The following FAF1 variants were observed in gnomAD, a reference collection of about 807,000 sequenced individuals.
FAF1 encodes Fas associated factor 1, also known as FAS-associated factor 1.
FAF1 carries 25 observed loss-of-function variants against 92.5 expected under a neutral mutation model. That is an observed-to-expected ratio of 0.27 (90% CI 0.20 to 0.38). The LOEUF (loss-of-function observed/expected upper bound fraction) is 0.38. Among genes scored for constraint, FAF1 ranks in the 10% least tolerant of loss-of-function variants. The pLI is 1.00. For synonymous variants in FAF1, 234 were observed against 273.2 expected (o/e 0.86, Z 1.42); for missense variants, 636 against 793.3 (o/e 0.80, Z 2.38).
chr1:50,731,493 C>CCCAGTA (rs1484719193), intron 6 of FAF1, among the ~76,000 whole-genome samples: 1 of 151,974 alleles, frequency 6.6e-6, no homozygotes, highest in African/African-American at 2.4e-5. Flanking sequence ...CCTCAGCCTC[C>CCCAGTA]CCAGTAGCTG....
chr1:50,904,143 T>C (rs556867649), intron 1 of FAF1, among the ~76,000 whole-genome samples: 1 of 152,280 alleles, frequency 6.6e-6, no homozygotes, highest in East Asian at 1.9e-4. Flanking sequence ...GATAGATGAA[T>C]AAACAAAATG....
chr1:50,666,386 T>C (rs1655632633), intron 7 of FAF1, among the ~76,000 whole-genome samples: 1 of 151,958 alleles, frequency 6.6e-6, no homozygotes, highest in African/African-American at 2.4e-5. Context: ...TTTAAACTTT[T>C]TGTAGAGAGG....
intron 8 of FAF1, among the ~76,000 whole-genome samples, chr1:50,617,536 C>A (rs752705791): frequency 5.9e-5 from 9 of 151,866 alleles, no homozygotes; most frequent in Non-Finnish European, 1.3e-4. Context: ...GAGGTGCTTC[C>A]GGATTCAGTT....
rs1034734363 is a variant in FAF1, at chr1:50,867,419, T to A, written c.46-9422A>T. Among the ~76,000 whole-genome samples the A allele has an allele frequency of 3.3e-5, 5 of 151,802 alleles. No individual in the cohort carries two copies. The South Asian group carries it at 1.0e-3, about 31-fold the overall frequency. Reference sequence around the variant, plus strand: ...TGACAACCCACAGAGTGGGAGAAAATCTTGGTAAATTATGCATCCAACAAA... The same window carrying A: ...TGACAACCCACAGAGTGGGAGAAAAACTTGGTAAATTATGCATCCAACAAA... On this transcript the variant is annotated intron_variant, in intron 1 of 18. Coordinates refer to ENST00000396153, the MANE Select transcript of FAF1 (RefSeq NM_007051.3).
rs980707767 is a variant in FAF1 at position 50,557,332 on chromosome 1, A to C, written c.1268+9745T>G. 2.0e-5 allele frequency among the ~76,000 whole-genome samples: 3 copies of C among 152,238 alleles called. No homozygotes were observed. In the South Asian group the frequency reaches 6.2e-4, roughly 31 times the overall value. ...CAAACAGCTTTTAAAAAGTCTTTAG[A>C]GTTAACTCTGTTTTGAATAATACAA... On this transcript the variant is annotated intron_variant, in intron 13 of 18. Coordinates refer to ENST00000396153, the MANE Select transcript of FAF1 (RefSeq NM_007051.3).
rs994625857 is a variant in FAF1 at position 50,645,422 on chromosome 1, G to A, written c.744+10020C>T. On this transcript the variant is annotated intron_variant, in intron 8 of 18. Transcript: ENST00000396153. ...CACCAGGGGTTGGCAAACTTTCTCC[G>A]TAAAGGGCCAGACAGTAGATATTTC... Among the ~76,000 whole-genome samples, 12 of 152,304 alleles carry A rather than the reference G, an allele frequency of 7.9e-5. 1 individual carries two copies. The South Asian group carries it at 2.1e-3, about 26-fold the overall frequency.
intron 3 of FAF1, among the ~76,000 whole-genome samples, chr1:50,790,805 T>C (rs1400870152): frequency 6.6e-6 from 1 of 152,018 alleles, no homozygotes; most frequent in Non-Finnish European, 1.5e-5. Context: ...ATTTATTTTA[T>C]ATTTAATTTC....
At chr1:50,787,630 T>A (rs566404195) in intron 4 of FAF1, among the ~76,000 whole-genome samples, 43 of 152,300 alleles carry the variant, frequency 2.8e-4, no homozygotes, top group African/African-American at 1.0e-3. Context: ...CAGGTATTGT[T>A]ATAGCAGCAC....
chr1:50,946,648 G>C (rs1459240039), intron 1 of FAF1, among the ~76,000 whole-genome samples: 1 of 152,144 alleles, frequency 6.6e-6, no homozygotes. Context: ...TGCCAGTTTC[G>C]TGGATGCTGG....
chr1:50,868,287 A>G (rs1644498568), intron 1 of FAF1, among the ~76,000 whole-genome samples: 1 of 152,158 alleles, frequency 6.6e-6, no homozygotes, highest in African/African-American at 2.4e-5. Flanking sequence ...AGTACTTATC[A>G]TTGTAATCAA....
intron 2 of FAF1, among the ~76,000 whole-genome samples, chr1:50,838,175 G>C (rs758424422): frequency 1.6e-4 from 25 of 152,210 alleles, no homozygotes; most frequent in Admixed American, 3.9e-4. Flanking sequence ...ATGGTTTTAT[G>C]GGCTGAACCA....
At chr1:50,673,998 T>G (rs1656007972) in intron 7 of FAF1, among the ~76,000 whole-genome samples, 1 of 151,960 alleles carries the variant, frequency 6.6e-6, no homozygotes, top group South Asian at 2.1e-4. Context: ...TCACCCAGGC[T>G]GGAGTGCAGT....
At chr1:50,751,379 T>C (rs567320754) in intron 4 of FAF1, among the ~76,000 whole-genome samples, 5 of 152,264 alleles carry the variant, frequency 3.3e-5, no homozygotes, top group Admixed American at 3.3e-4. Flanking sequence ...TTGTGGCCCA[T>C]GCTGGAGTGC....
chr1:50,528,978 A>G (rs1647989123), intron 15 of FAF1, among the ~76,000 whole-genome samples: 1 of 152,238 alleles, frequency 6.6e-6, no homozygotes, highest in South Asian at 2.1e-4. Context: ...GCTATATAAT[A>G]CATATAACAT....
At position 50,960,096 on chromosome 1, in the gene FAF1, T is replaced by A. The variant is rs1645304578; in HGVS notation, c.-285A>T. On this transcript the variant is annotated 5_prime_UTR_variant, in exon 1 of 19. In the 5' UTR this introduces an upstream ATG that the reference lacks. Transcript: ENST00000396153. The stretch of plus-strand genomic sequence containing the variant: ...GATTGGTCTGGATGTGGGTCCGGTC[T>A]TACAGTCGCGGGCCAGGATGAGGGC... 2.6e-6 allele frequency: 1 copy of A among 390,716 alleles called. No individual in the cohort carries two copies. The highest frequency in any genetic ancestry group is 2.1e-5 in the African/African-American group (1 of 48,250). The allele number at this position is 390,716 out of a possible 1,614,324, so 24.2% of individuals were successfully genotyped here. A position where few individuals can be genotyped will look rare whatever the true frequency, so the allele number is the denominator to read the frequency against.
At chr1:50,712,830 ATAGT>A (rs1424421891) in intron 6 of FAF1, among the ~76,000 whole-genome samples, 1 of 151,946 alleles carries the variant, frequency 6.6e-6, no homozygotes, top group Admixed American at 6.6e-5. Context: ...GTTGGTTATG[ATAGT>A]TAGCCATGGT....
rs752027195 is a variant in FAF1 at position 50,636,252 on chromosome 1, A to G, written c.744+19190T>C. ...TCTATACAATCTTGTAACCACTAGTATAATTTTCAAATTATAGAAAATTTC... is the reference window on the plus strand; with the variant it reads ...TCTATACAATCTTGTAACCACTAGTGTAATTTTCAAATTATAGAAAATTTC... On this transcript the variant is annotated intron_variant, in intron 8 of 18. Transcript: ENST00000396153. Among the ~76,000 whole-genome samples, 7 of 152,148 alleles carry G rather than the reference A, an allele frequency of 4.6e-5. No homozygotes were observed. The East Asian group carries it at 1.3e-3, about 29-fold the overall frequency.
At chr1:50,483,490 AG>A (rs1483290203) in intron 17 of FAF1, among the ~76,000 whole-genome samples, 1 of 152,190 alleles carries the variant, frequency 6.6e-6, no homozygotes, top group Non-Finnish European at 1.5e-5. Context: ...TTTAAGAATC[AG>A]TTTATCAATC....
At chr1:50,891,637 TGCCTGGGTTTCA>T (rs1644721018) in intron 1 of FAF1, among the ~76,000 whole-genome samples, 1 of 152,228 alleles carries the variant, frequency 6.6e-6, no homozygotes, top group Non-Finnish European at 1.5e-5. Context: ...AGACCCTGTA[TGCCTGGGTTTCA>T]GCAGCAGAGG....
Sources: allele counts gnomAD v4.1 joint callset (sites outside exome capture counted in the v4.1 genomes callset), GRCh38; gene constraint gnomAD v4.1.1; transcripts MANE v1.5; gene names NCBI Gene and HGNC (gene_info 2026-07-23, HGNC 2026-07-21).